PARL: variants seen among roughly 807,000 people sequenced by gnomAD.
PARL encodes presenilin associated rhomboid like.
PARL carries 44 observed loss-of-function variants against 51.6 expected under a neutral mutation model. That is an observed-to-expected ratio of 0.85 (90% CI 0.67 to 1.10). The LOEUF (loss-of-function observed/expected upper bound fraction) is 1.10, where lower values mean the gene tolerates loss of function less well. PARL is among the 50% of genes least tolerant of loss of function. The probability of loss-of-function intolerance (pLI) is 0.00; values close to 1 mark genes in which losing one functional copy is unlikely to be tolerated. For missense variants in PARL, 441 were observed against 469.5 expected (o/e 0.94, Z 0.56); for synonymous variants, 172 against 164.0 (o/e 1.05, Z -0.37).
intron 5 of PARL, chr3:183,843,152 G>A (rs1729544598): frequency 2.1e-6 from 2 of 958,034 alleles, no homozygotes; most frequent in African/African-American, 1.8e-5. Context: ...CCCAAGTGCT[G>A]GGATTATAGA....
At chr3:183,853,110 AAAG>A in intron 4 of PARL, among the ~76,000 whole-genome samples, 1 of 152,238 alleles carries the variant, frequency 6.6e-6, no homozygotes, top group Non-Finnish European at 1.5e-5. Context: ...ACAGGCAACA[AAAG>A]AAAAAATAGA....
At chr3:183,874,381 T>C (rs555487837) in intron 1 of PARL, among the ~76,000 whole-genome samples, 1 of 152,008 alleles carries the variant, frequency 6.6e-6, no homozygotes, top group South Asian at 2.1e-4. Flanking sequence ...AACAGTCACA[T>C]GTCTCTGGCT....
downstream of PARL, among the ~76,000 whole-genome samples, chr3:183,827,563 G>A (rs1246654115): frequency 1.3e-5 from 2 of 152,174 alleles, no homozygotes; most frequent in Non-Finnish European, 2.9e-5. Flanking sequence ...GGAAGAACAG[G>A]CTCAACAGTC....
At chr3:183,867,529 T>C (rs1244724943) in intron 2 of PARL, among the ~76,000 whole-genome samples, 1 of 151,868 alleles carries the variant, frequency 6.6e-6, no homozygotes, top group Non-Finnish European at 1.5e-5. Flanking sequence ...TGAAACCCCG[T>C]CTCTACTAAA....
intron 1 of PARL, among the ~76,000 whole-genome samples, chr3:183,871,250 G>A (rs1167423644): frequency 6.6e-6 from 1 of 151,896 alleles, no homozygotes; most frequent in African/African-American, 2.4e-5. Flanking sequence ...CTCAAAGTAA[G>A]GTGGTACTAT....
At chr3:183,832,376 G>A (rs1244196477) in intron 9 of PARL, among the ~76,000 whole-genome samples, 36 of 151,824 alleles carry the variant, frequency 2.4e-4, no homozygotes, top group Admixed American at 1.6e-3. Context: ...CCGCCACCAC[G>A]CCCGGCTAAG....
chr3:183,855,847 C>A (rs1321428956), intron 4 of PARL, among the ~76,000 whole-genome samples: 1 of 151,984 alleles, frequency 6.6e-6, no homozygotes, highest in Non-Finnish European at 1.5e-5. Context: ...GTAATCCCAG[C>A]TACTTGGGAG....
At chr3:183,855,574 C>T (rs1234715428) in intron 4 of PARL, among the ~76,000 whole-genome samples, 2 of 152,176 alleles carry the variant, frequency 1.3e-5, no homozygotes, top group African/African-American at 2.4e-5. Context: ...ATTTATTCTG[C>T]ACTTTATTTC....
intron 1 of PARL, among the ~76,000 whole-genome samples, chr3:183,882,883 T>C (rs532812659): frequency 6.6e-6 from 1 of 152,184 alleles, no homozygotes; most frequent in East Asian, 1.9e-4. Context: ...ATTGGGTCAT[T>C]CTTCTGCACG....
chr3:183,855,058 T>C (rs536491238), intron 4 of PARL, among the ~76,000 whole-genome samples: 1 of 152,070 alleles, frequency 6.6e-6, no homozygotes, highest in South Asian at 2.1e-4. Flanking sequence ...AAAGGCCACA[T>C]ATTATGTGAC....
intron 1 of PARL, among the ~76,000 whole-genome samples, chr3:183,874,045 T>C (rs1429737808): frequency 6.6e-6 from 1 of 152,194 alleles, no homozygotes; most frequent in Non-Finnish European, 1.5e-5. Context: ...ATCTAGCATG[T>C]CTTTTGGCAC....
chr3:183,838,049 T>C (rs1246753575), intron 7 of PARL, among the ~76,000 whole-genome samples: 2 of 141,786 alleles, frequency 1.4e-5, no homozygotes, highest in South Asian at 2.3e-4. Context: ...TGAGATGGGG[T>C]CTCGCTATGT....
intron 5 of PARL, 69 bp from the exon 6 acceptor site, chr3:183,842,516 C>G (rs2108611540): frequency 6.7e-7 from 1 of 1,494,132 alleles, no homozygotes; most frequent in East Asian, 2.3e-5. Context: ...CCATTTTAAA[C>G]TTTTAAAATT....
intron 1 of PARL, among the ~76,000 whole-genome samples, chr3:183,877,201 T>G (rs1733949236): frequency 6.6e-6 from 1 of 151,820 alleles, no homozygotes. Context: ...GTGACAGGAG[T>G]GAAACTCCAT....
intron 7 of PARL, among the ~76,000 whole-genome samples, chr3:183,840,276 AC>A (rs1254068216): frequency 6.6e-6 from 1 of 152,200 alleles, no homozygotes; most frequent in Non-Finnish European, 1.5e-5. Flanking sequence ...TCTCTGGTTT[AC>A]GAGGATTGCA....
At chr3:183,871,083 T>C (rs953033377) in intron 1 of PARL, among the ~76,000 whole-genome samples, 1 of 152,086 alleles carries the variant, frequency 6.6e-6, no homozygotes, top group Non-Finnish European at 1.5e-5. Flanking sequence ...TAGTCCCTAA[T>C]AAAAGGTCAA....
chr3:183,876,507 G>A (rs976235626), intron 1 of PARL, among the ~76,000 whole-genome samples: 1 of 149,680 alleles, frequency 6.7e-6, no homozygotes, highest in East Asian at 2.0e-4. Flanking sequence ...CTAACACAAT[G>A]TCCATTCTGC....
In PARL at chr3:183,880,876, C is replaced by T. The variant is rs80274950; in HGVS notation, c.125+3846G>A. Among the ~76,000 whole-genome samples, 657 of 152,008 alleles carry T rather than the reference C, an allele frequency of 4.3e-3. 3 individuals are homozygous for T. The highest frequency in any genetic ancestry group is 0.015 in the African/African-American group (625 of 41,456). On this transcript the variant is annotated intron_variant, in intron 1 of 9. Transcript: ENST00000317096. ...TCTCACTCAGGCTGGAGGACAGTGG[C>T]GCCCTCATAGCTCACAGCAACCTTC...
chr3:183,867,896 C>T lies in PARL; in HGVS notation c.290G>A (p.Ser97Asn), dbSNP rs778273972. The T allele has an allele frequency of 1.1e-5, 17 of 1,613,580 alleles. No individual in the cohort carries two copies. In the East Asian group the frequency reaches 3.1e-4, roughly 30 times the overall value. Reference protein sequence around the residue: ...VFYPSPYPIRSLIKPLFFTVG... With the variant: ...VFYPSPYPIRNLIKPLFFTVG... ...AGTAAAAAATAAAGGTTTTATGAGA[C>T]TCCTTATAGGATAGGGAGAAGGATA... Residue 97 changes from serine (S) to asparagine (N), a missense_variant, in exon 2 of 10, where the codon AGT (serine) becomes AAT (asparagine). By Grantham distance (46) the Ser-to-Asn change is conservative. Coordinates refer to ENST00000317096, the MANE Select transcript of PARL (RefSeq NM_018622.7).
Sources: allele counts gnomAD v4.1 joint callset (sites outside exome capture counted in the v4.1 genomes callset), GRCh38; gene constraint gnomAD v4.1.1; transcripts MANE v1.5; gene names NCBI Gene and HGNC (gene_info 2026-07-23, HGNC 2026-07-21).